Variants in ERBB4 observed in about 807,000 individuals in gnomAD.
ERBB4 encodes the protein erb-b2 receptor tyrosine kinase 4, also known as receptor tyrosine-protein kinase erbB-4.
A neutral mutation model predicts 158.0 loss-of-function variants in ERBB4; 42 were observed. That is an observed-to-expected ratio of 0.27 (90% CI 0.21 to 0.34). The LOEUF is 0.34. ERBB4 is among the 10% of genes least tolerant of loss of function. The probability of loss-of-function intolerance (pLI) is 1.00; values close to 1 mark genes in which losing one functional copy is unlikely to be tolerated. For missense variants in ERBB4, 1,333 were observed against 1,624.1 expected (o/e 0.82, Z 3.08); for synonymous variants, 583 against 558.7 (o/e 1.04, Z -0.61).
chr2:212,219,754 C>G (rs2083230306), intron 1 of ERBB4, among the ~76,000 whole-genome samples: 1 of 151,196 alleles, frequency 6.6e-6, no homozygotes, highest in Non-Finnish European at 1.5e-5. Flanking sequence ...ACCTTATAAA[C>G]AGTAGTGTAA....
chr2:211,665,605 AT>A, intron 14 of ERBB4, 128 bp from the exon 15 acceptor site: 1 of 866,882 alleles, frequency 1.2e-6, no homozygotes, highest in South Asian at 1.4e-5. Flanking sequence ...ATTGGAGAAC[AT>A]TTTCAGCAGT....
At chr2:212,391,901 A>G (rs2090885539) in intron 1 of ERBB4, among the ~76,000 whole-genome samples, 1 of 149,976 alleles carries the variant, frequency 6.7e-6, no homozygotes, top group Non-Finnish European at 1.5e-5. Context: ...CAGAAACAAG[A>G]CTCCCCAAAA....
At chr2:212,426,329 C>A in intron 1 of ERBB4, 1 of 455,918 alleles carries the variant, frequency 2.2e-6, no homozygotes, top group South Asian at 1.7e-5. Flanking sequence ...ATAAAAACTG[C>A]AATTATGTTC....
rs1574750323 is a variant in ERBB4, at chr2:211,560,331, G to A, written c.2487+1572C>T. ...CTCTTGCTGCCCAGGCTGCAGTGCA[G>A]TGGTGTGATCTCGGCTCACCACAAC... is the stretch of plus-strand genomic sequence containing the variant. On this transcript the variant is annotated intron_variant, in intron 20 of 27. Coordinates refer to ENST00000342788, the MANE Select transcript of ERBB4 (RefSeq NM_005235.3). 3.8e-5 allele frequency among the ~76,000 whole-genome samples: 5 copies of A among 132,074 alleles called. No individual in the cohort carries two copies. In the South Asian group the frequency reaches 1.2e-3, roughly 32 times the overall value. 86.6% of individuals were successfully genotyped at this position (132,074 alleles called of 152,430 possible). A position where few individuals can be genotyped will look rare whatever the true frequency, so the allele number is the denominator to read the frequency against.
At chr2:212,042,274 T>C (rs1361820428) in intron 2 of ERBB4, among the ~76,000 whole-genome samples, 5 of 152,118 alleles carry the variant, frequency 3.3e-5, no homozygotes, top group Admixed American at 3.3e-4. Flanking sequence ...TTGCAGGCGC[T>C]TTCCTTTCTA....
rs563414992 is a variant in ERBB4 at position 212,011,521 on chromosome 2, C to T, written c.235-63905G>A. Among the ~76,000 whole-genome samples the T allele has an allele frequency of 1.5e-4, 23 of 152,098 alleles. No individual in the cohort carries two copies. In the South Asian group the frequency reaches 3.1e-3, roughly 21 times the overall value. ...ATCCCAGCACCCTGGGAGGCTGAGA[C>T]GGGTGGATCACCTGAGGTCATGAGT... On this transcript the variant is annotated intron_variant, in intron 2 of 27. Coordinates refer to ENST00000342788, the MANE Select transcript of ERBB4 (RefSeq NM_005235.3).
chr2:212,310,242 A>C (rs2086979009), intron 1 of ERBB4, among the ~76,000 whole-genome samples: 1 of 150,610 alleles, frequency 6.6e-6, no homozygotes, highest in Admixed American at 6.6e-5. Flanking sequence ...TTCAATTTGC[A>C]TTTTCATTTA....
At chr2:211,710,095 A>G (rs1235160625) in intron 9 of ERBB4, among the ~76,000 whole-genome samples, 1 of 152,146 alleles carries the variant, frequency 6.6e-6, no homozygotes, top group African/African-American at 2.4e-5. Flanking sequence ...AACAATATAT[A>G]TTTAGGTTAC....
chr2:212,295,903 A>T (rs2086393461), intron 1 of ERBB4, among the ~76,000 whole-genome samples: 2 of 152,088 alleles, frequency 1.3e-5, no homozygotes, highest in African/African-American at 4.8e-5. Context: ...TAAATTGCTT[A>T]GTAATAAAGT....
chr2:211,554,187 G>T (rs1424276478), intron 20 of ERBB4, among the ~76,000 whole-genome samples: 1 of 152,174 alleles, frequency 6.6e-6, no homozygotes, highest in African/African-American at 2.4e-5. Flanking sequence ...ATGCAGAGTG[G>T]TTTGGAGACC....
intron 1 of ERBB4, among the ~76,000 whole-genome samples, chr2:212,203,807 A>C (rs2082657225): frequency 6.6e-6 from 1 of 152,206 alleles, no homozygotes; most frequent in Non-Finnish European, 1.5e-5. Context: ...TTCAGGTGGC[A>C]CAAAGATAAC....
chr2:212,504,519 A>C (rs746852273), intron 1 of ERBB4, among the ~76,000 whole-genome samples: 5 of 152,112 alleles, frequency 3.3e-5, no homozygotes, highest in Non-Finnish European at 7.4e-5. Context: ...AATTTTCGTT[A>C]ATCTCAAAGA....
intron 25 of ERBB4, among the ~76,000 whole-genome samples, chr2:211,410,234 T>TA (rs2063229605): frequency 6.6e-6 from 1 of 152,162 alleles, no homozygotes; most frequent in Non-Finnish European, 1.5e-5. Flanking sequence ...GTTTTAAATG[T>TA]ATATATATAC....
At chr2:212,012,114 T>C (rs2076402618) in intron 2 of ERBB4, among the ~76,000 whole-genome samples, 1 of 152,228 alleles carries the variant, frequency 6.6e-6, no homozygotes, top group East Asian at 1.9e-4. Flanking sequence ...TTTTAATTCA[T>C]TGCAGTTATT....
rs527575564 is a variant in ERBB4 at position 211,679,282 on chromosome 2, A to T, written c.1490-98T>A. On this transcript the variant is annotated intron_variant, in intron 12 of 27. Transcript: ENST00000342788. ...CTATTTCTAAAGGAGTTCACTTAAAAGAGATATATGGCAAATGACTTTGGT... is the reference window on the plus strand; with the variant it reads ...CTATTTCTAAAGGAGTTCACTTAAATGAGATATATGGCAAATGACTTTGGT... 247 of 1,387,176 alleles carry T rather than the reference A, an allele frequency of 1.8e-4. 4 individuals are homozygous for T. The Middle Eastern group carries it at 0.014, about 77-fold the overall frequency. The allele number at this position is 1,387,176 out of a possible 1,614,324, so 85.9% of individuals were successfully genotyped here.
chr2:211,389,136 C>T (rs559425729), intron 25 of ERBB4, among the ~76,000 whole-genome samples: 6 of 152,244 alleles, frequency 3.9e-5, no homozygotes, highest in Admixed American at 2.0e-4. Context: ...CCCGGGTTCA[C>T]GCCATTCCCT....
intron 1 of ERBB4, among the ~76,000 whole-genome samples, chr2:212,182,207 T>A (rs1363274763): frequency 6.6e-6 from 1 of 151,802 alleles, no homozygotes; most frequent in Non-Finnish European, 1.5e-5. Context: ...AAGTTAATAC[T>A]ATTATTATTT....
chr2:212,049,609 GA>G lies in ERBB4; in HGVS notation c.234+75142del, dbSNP rs376747786. Among the ~76,000 whole-genome samples the G allele has an allele frequency of 7.9e-5, 12 of 152,100 alleles. No homozygotes were observed. The East Asian group carries it at 1.4e-3, about 17-fold the overall frequency. Reference sequence around the variant, plus strand: ...TACTTCTCAGTATTTAAAGTCATCAGAAAAAAATGACATTTGTTTAAATAAA... The same window carrying G: ...TACTTCTCAGTATTTAAAGTCATCAGAAAAAATGACATTTGTTTAAATAAA... On this transcript the variant is annotated intron_variant, in intron 2 of 27. Transcript: ENST00000342788.
chr2:212,459,548 A>T (rs1688468184), intron 1 of ERBB4, among the ~76,000 whole-genome samples: 1 of 152,072 alleles, frequency 6.6e-6, no homozygotes, highest in African/African-American at 2.4e-5. Context: ...TGTTCAATAC[A>T]CTCTCTCTCA....
Sources: allele counts gnomAD v4.1 joint callset (sites outside exome capture counted in the v4.1 genomes callset), GRCh38; gene constraint gnomAD v4.1.1; transcripts MANE v1.5; gene names NCBI Gene and HGNC (gene_info 2026-07-23, HGNC 2026-07-21).